Variants in NEK11 observed in about 807,000 individuals in gnomAD.
NEK11 encodes the protein NIMA related kinase 11, also known as serine/threonine-protein kinase Nek11.
NEK11 carries 72 observed loss-of-function variants against 80.7 expected under a neutral mutation model. That is an observed-to-expected ratio of 0.89 (90% CI 0.74 to 1.08). NEK11 has a LOEUF of 1.08. NEK11 is among the 50% of genes least tolerant of loss of function. The probability of loss-of-function intolerance (pLI) is 0.00; values close to 1 mark genes in which losing one functional copy is unlikely to be tolerated. For missense variants in NEK11, 764 were observed against 763.6 expected (o/e 1.00, Z -0.01); for synonymous variants, 251 against 260.7 (o/e 0.96, Z 0.36).
At chr3:131,328,655 AAG>A (rs777376184) in intron 17 of NEK11, 2 of 152,222 alleles carry the variant, frequency 1.3e-5, no homozygotes, top group Non-Finnish European at 2.9e-5. Context: ...GTTTAGGGAT[AAG>A]AGAGCTTTTA....
At chr3:131,152,308 C>T (rs1483765277) in intron 7 of NEK11, 80 bp from the exon 8 acceptor site, 1 of 1,273,678 alleles carries the variant, frequency 7.9e-7, no homozygotes, top group African/African-American at 1.5e-5. Context: ...AATGCCCCAA[C>T]ACATCTGAGG....
chr3:131,299,623 C>G (rs1159996289), intron 17 of NEK11, among the ~76,000 whole-genome samples: 1 of 152,000 alleles, frequency 6.6e-6, no homozygotes, highest in Non-Finnish European at 1.5e-5. Context: ...TGAGAACATA[C>G]AGCATTTGGT....
intron 14 of NEK11, among the ~76,000 whole-genome samples, chr3:131,176,521 A>G (rs1029786277): frequency 3.9e-5 from 6 of 152,190 alleles, no homozygotes; most frequent in Admixed American, 3.9e-4. Flanking sequence ...TCTGAGTTCT[A>G]GAGGATAATT....
chr3:131,182,623 T>G (rs2093416811), intron 14 of NEK11, among the ~76,000 whole-genome samples: 1 of 152,218 alleles, frequency 6.6e-6, no homozygotes, highest in African/African-American at 2.4e-5. Flanking sequence ...TTGTCTGAAT[T>G]TTTTTTCTGG....
chr3:131,215,123 A>G (rs1243443330), intron 14 of NEK11, among the ~76,000 whole-genome samples: 1 of 152,150 alleles, frequency 6.6e-6, no homozygotes, highest in Admixed American at 6.5e-5. Context: ...AGTTAGTGAT[A>G]TTATTCTCAA....
intron 17 of NEK11, among the ~76,000 whole-genome samples, chr3:131,295,758 A>G (rs2096586690): frequency 6.6e-6 from 1 of 152,162 alleles, no homozygotes; most frequent in Non-Finnish European, 1.5e-5. Context: ...CCTTTCTAAC[A>G]TATCAGTTAT....
At chr3:131,310,643 T>G (rs568412692) in intron 17 of NEK11, among the ~76,000 whole-genome samples, 81 of 152,238 alleles carry the variant, frequency 5.3e-4, no homozygotes, top group Non-Finnish European at 1.1e-3. Context: ...GGTGCTGATA[T>G]TCACACCTTT....
chr3:131,135,045 G>C (rs1434743113), intron 7 of NEK11, among the ~76,000 whole-genome samples: 3 of 152,146 alleles, frequency 2.0e-5, no homozygotes. Context: ...TAAAAGATGT[G>C]CTTACTTCAC....
At position 131,134,552 on chromosome 3, in the gene NEK11, C is replaced by T. The variant is rs2085162498; in HGVS notation, c.647+596C>T. Among the ~76,000 whole-genome samples the T allele has an allele frequency of 2.6e-5, 4 of 152,150 alleles. No homozygotes were observed. In the South Asian group the frequency reaches 8.3e-4, roughly 32 times the overall value. On this transcript the variant is annotated intron_variant, in intron 7 of 17. Transcript: ENST00000383366. The stretch of plus-strand genomic sequence containing the variant: ...AGTAGCTGGGACTACAGGCTCCCAC[C>T]ACCACGCCTGGCTAATTTTTTGTAT...
intron 17 of NEK11, among the ~76,000 whole-genome samples, chr3:131,335,907 A>C (rs1234768718): frequency 1.3e-5 from 2 of 152,062 alleles, no homozygotes; most frequent in Admixed American, 1.3e-4. Context: ...AATCCAACTT[A>C]CAAGGGATGT....
chr3:131,222,075 G>A (rs901966039), intron 14 of NEK11, among the ~76,000 whole-genome samples: 1 of 152,078 alleles, frequency 6.6e-6, no homozygotes, highest in African/African-American at 2.4e-5. Context: ...TATCTCGTAA[G>A]TCAAAAGTCT....
chr3:131,067,541 A>G (rs2072263873), intron 3 of NEK11, among the ~76,000 whole-genome samples: 1 of 152,210 alleles, frequency 6.6e-6, no homozygotes, highest in Non-Finnish European at 1.5e-5. Flanking sequence ...ACCATCAACA[A>G]CAGCAATAGT....
chr3:131,349,394 A>G (rs1310105469), intron 17 of NEK11, among the ~76,000 whole-genome samples, 163 bp from the exon 18 acceptor site: 2 of 152,304 alleles, frequency 1.3e-5, no homozygotes, highest in African/African-American at 4.8e-5. Flanking sequence ...TATTTGTTGA[A>G]TACTGTTAAA....
At chr3:131,255,705 T>A (rs1447188226) in intron 16 of NEK11, among the ~76,000 whole-genome samples, 1 of 152,196 alleles carries the variant, frequency 6.6e-6, no homozygotes, top group African/African-American at 2.4e-5. Context: ...TATTCATTCA[T>A]TAAGTGATTA....
intron 4 of NEK11, among the ~76,000 whole-genome samples, chr3:131,089,705 C>T (rs2076468080): frequency 6.6e-6 from 1 of 152,134 alleles, no homozygotes; most frequent in African/African-American, 2.4e-5. Flanking sequence ...TCCGAAAGTG[C>T]TGGGATTACG....
chr3:131,308,450 A>C (rs1011747471), intron 17 of NEK11, among the ~76,000 whole-genome samples: 2 of 152,214 alleles, frequency 1.3e-5, no homozygotes, highest in Non-Finnish European at 2.9e-5. Flanking sequence ...AAATAGATAA[A>C]AACAAATTCT....
At chr3:131,271,533 G>A (rs141830475) in intron 16 of NEK11, among the ~76,000 whole-genome samples, 56 of 152,274 alleles carry the variant, frequency 3.7e-4, no homozygotes, top group Non-Finnish European at 6.2e-4. Context: ...GGTGGCTCAC[G>A]CCTGTAATCC....
chr3:131,251,216 CAAGTT>C (rs918514622), intron 16 of NEK11, among the ~76,000 whole-genome samples: 4 of 126,288 alleles, frequency 3.2e-5, no homozygotes, highest in African/African-American at 1.3e-4. Context: ...AAAAAAAAAA[CAAGTT>C]AAAGAGTTGA....
intron 13 of NEK11, among the ~76,000 whole-genome samples, chr3:131,170,121 A>C (rs2092582047): frequency 6.6e-6 from 1 of 152,216 alleles, no homozygotes; most frequent in South Asian, 2.1e-4. Flanking sequence ...TTCCCATGAA[A>C]ACCATTTATC....
Sources: gnomAD v4.1 joint callset for allele counts (sites outside exome capture counted in the v4.1 genomes callset) on GRCh38, gnomAD v4.1.1 for gene constraint, MANE v1.5 for transcripts, NCBI Gene and HGNC (gene_info 2026-07-23, HGNC 2026-07-21) for gene names.